The following TTC28 variants were observed in gnomAD, a reference collection of about 807,000 sequenced individuals.
TTC28 encodes tetratricopeptide repeat domain 28.
In TTC28, 61 loss-of-function variants were observed where a neutral mutation model predicts 198.0. That is an observed-to-expected ratio of 0.31 (90% confidence interval 0.25 to 0.38). The LOEUF (loss-of-function observed/expected upper bound fraction) is 0.38, where lower values mean the gene tolerates loss of function less well. Among genes scored for constraint, TTC28 ranks in the 10% least tolerant of loss-of-function variants. TTC28 has a pLI of 1.00. For missense variants in TTC28, 2,678 were observed against 3,164.0 expected, an observed-to-expected ratio of 0.85 and a Z score of 3.69; for synonymous variants, 1,171 against 1,297.8, an observed-to-expected ratio of 0.90 and a Z score of 2.10.
chr22:28,210,970 A>G (rs1174742473), intron 5 of TTC28, among the ~76,000 whole-genome samples: 5 of 152,216 alleles, frequency 3.3e-5, no homozygotes, highest in South Asian at 2.1e-4. Flanking sequence ...GAAGAGAGTG[A>G]GGGCCAATAT....
chr22:28,316,806 A>T (rs1272756620), intron 2 of TTC28, among the ~76,000 whole-genome samples: 1 of 152,174 alleles, frequency 6.6e-6, no homozygotes, highest in Non-Finnish European at 1.5e-5. Flanking sequence ...TTACTCTGTT[A>T]TCCAGGCTGG....
At chr22:28,302,757 C>G (rs2045053301) in intron 3 of TTC28, among the ~76,000 whole-genome samples, 1 of 152,112 alleles carries the variant, frequency 6.6e-6, no homozygotes, top group African/African-American at 2.4e-5. Context: ...TCGCTGCAAC[C>G]TCCGCCTCCC....
chr22:28,219,907 C>T (rs1484572433), intron 5 of TTC28, among the ~76,000 whole-genome samples: 1 of 152,220 alleles, frequency 6.6e-6, no homozygotes, highest in Non-Finnish European at 1.5e-5. Context: ...ACACCACTGA[C>T]ACCTTTTGAA....
At chr22:28,166,143 C>T (rs978735776) in intron 5 of TTC28, among the ~76,000 whole-genome samples, 1 of 152,200 alleles carries the variant, frequency 6.6e-6, no homozygotes, top group Admixed American at 6.5e-5. Context: ...AATACATATG[C>T]ACCCAATACA....
intron 2 of TTC28, among the ~76,000 whole-genome samples, chr22:28,393,358 C>A (rs191946093): frequency 9.8e-4 from 149 of 151,774 alleles, no homozygotes; most frequent in Non-Finnish European, 1.7e-3. Flanking sequence ...TTTTTTTTTC[C>A]TAGGCAAGAG....
intron 2 of TTC28, among the ~76,000 whole-genome samples, chr22:28,521,246 A>T (rs1262324840): frequency 6.6e-6 from 1 of 151,938 alleles, no homozygotes; most frequent in Admixed American, 6.6e-5. Flanking sequence ...CAAAAAAAAA[A>T]AATTAAAAAA....
At chr22:28,084,570 G>A (rs549529819) in intron 12 of TTC28, among the ~76,000 whole-genome samples, 10 of 152,280 alleles carry the variant, frequency 6.6e-5, no homozygotes, top group Admixed American at 1.3e-4. Context: ...AAAAAACAGA[G>A]CAGAAAAACT....
chr22:28,310,593 T>C (rs2045238760), intron 2 of TTC28, among the ~76,000 whole-genome samples: 1 of 152,074 alleles, frequency 6.6e-6, no homozygotes, highest in African/African-American at 2.4e-5. Flanking sequence ...TTGGCCTAAA[T>C]GAGTAACGAG....
intron 2 of TTC28, among the ~76,000 whole-genome samples, chr22:28,568,455 C>A (rs2050013575): frequency 6.6e-6 from 1 of 152,134 alleles, no homozygotes; most frequent in Non-Finnish European, 1.5e-5. Flanking sequence ...GCTATACCCA[C>A]AAAACCCTGT....
intron 5 of TTC28, among the ~76,000 whole-genome samples, chr22:28,167,900 A>G (rs185050311): frequency 6.6e-6 from 1 of 152,372 alleles, no homozygotes; most frequent in African/African-American, 2.4e-5. Flanking sequence ...TGCAGATGAC[A>G]TGATTGTATA....
intron 5 of TTC28, among the ~76,000 whole-genome samples, chr22:28,204,004 C>T (rs1390240818): frequency 6.6e-6 from 1 of 152,108 alleles, no homozygotes; most frequent in African/African-American, 2.4e-5. Context: ...CTCCTTATAC[C>T]TACCTCTGCC....
rs532120352 is a variant in TTC28 at position 28,152,405 on chromosome 22, G to C, written c.1441+10687C>G. Among the ~76,000 whole-genome samples the C allele has an allele frequency of 9.3e-4, 142 of 152,012 alleles. 1 individual carries two copies. Among genetic ancestry groups the C allele is most frequent in the African/African-American group, 3.3e-3 (135 of 41,474 alleles). On this transcript the variant is annotated intron_variant, in intron 6 of 22. Transcript: ENST00000397906. ...TTTAGCCCTAGCCCAGGTAATCCTA[G>C]CATGGCTCCCACTCAGATCCACAAT...
chr22:27,982,746 G>A lies in TTC28; in HGVS notation c.6921C>T (p.Ser2307=). The A allele has an allele frequency of 6.4e-7, 1 of 1,551,292 alleles. No individual in the cohort carries two copies. Among genetic ancestry groups the A allele is most frequent in the Non-Finnish European group, 8.7e-7 (1 of 1,146,732 alleles). Residue 2307 remains serine (S), a synonymous_variant, in exon 23 of 23, where the codon TCC becomes TCT. Coordinates refer to ENST00000397906, the MANE Select transcript of TTC28 (RefSeq NM_001145418.2). The surrounding 1 kb of genome is among the most constrained non-coding windows in gnomAD (Gnocchi z 5.2). ...AHISKSPRNM[S]PSSGHQSPAG... ...CAGGAGACTGGTGGCCGGAGCTTGG[G>A]GACATGTTCCTTGGTGATTTGGAAA...
rs747538025 is a variant in TTC28 at position 27,989,949 on chromosome 22, G to A, written c.5636C>T (p.Ala1879Val). ...GACGCTGATGGAGACCTGAATGGGAGCTGATGCCAAGTCCTGCTCCTTCTC... is the reference window on the plus strand; with the variant it reads ...GACGCTGATGGAGACCTGAATGGGAACTGATGCCAAGTCCTGCTCCTTCTC... Reference protein sequence around the residue: ...AGEKEQDLASAPIQVSISVQL... With the variant: ...AGEKEQDLASVPIQVSISVQL... Residue 1879 changes from alanine to valine, a missense_variant, in exon 21 of 23, where the codon GCT (alanine) becomes GTT (valine). Coordinates refer to ENST00000397906, the MANE Select transcript of TTC28 (RefSeq NM_001145418.2). 5 of 1,551,402 alleles carry A rather than the reference G, an allele frequency of 3.2e-6. No homozygotes were observed. The highest frequency in any genetic ancestry group is 1.7e-4 in the Middle Eastern group (1 of 5,992).
chr22:28,410,503 T>C (rs1450891857), intron 2 of TTC28, among the ~76,000 whole-genome samples: 3 of 152,216 alleles, frequency 2.0e-5, no homozygotes, highest in Non-Finnish European at 4.4e-5. Flanking sequence ...GTTATGGAAC[T>C]GTAGCAAATA....
rs779564628 is a variant in TTC28 at position 28,537,303 on chromosome 22, T to TACTAAAACAAAACAAAACAAAAC, written c.381+92248_381+92249insGTTTTGTTTTGTTTTGTTTTAGT. ...GCCAGACTCCGTCTCAAAAATAAAA[T>TACTAAAACAAAACAAAACAAAAC]AAAATAAAATAAAATAAAATAAAAT... On this transcript the variant is annotated intron_variant, in intron 2 of 22. Transcript: ENST00000397906. Among the ~76,000 whole-genome samples the TACTAAAACAAAACAAAACAAAAC allele has an allele frequency of 1.8e-3, 218 of 120,718 alleles. 7 individuals are homozygous for TACTAAAACAAAACAAAACAAAAC. The highest frequency in any genetic ancestry group is 2.7e-3 in the Non-Finnish European group (142 of 51,814). 79.2% of individuals were successfully genotyped at this position (120,718 alleles called of 152,430 possible).
At chr22:28,143,025 G>T (rs2146993503) in intron 6 of TTC28, among the ~76,000 whole-genome samples, 1 of 152,264 alleles carries the variant, frequency 6.6e-6, no homozygotes, top group East Asian at 1.9e-4. Context: ...TTTCTGTTGG[G>T]ACATATCATA....
intron 5 of TTC28, among the ~76,000 whole-genome samples, chr22:28,257,838 CAG>C (rs1931061179): frequency 7.0e-6 from 1 of 142,102 alleles, no homozygotes; most frequent in Admixed American, 7.2e-5. Context: ...ATAAAAAAGA[CAG>C]AAAAGAAAGA....
At chr22:28,065,463 TGGTC>T (rs934986356) in intron 12 of TTC28, among the ~76,000 whole-genome samples, 7 of 152,182 alleles carry the variant, frequency 4.6e-5, no homozygotes, top group Non-Finnish European at 1.0e-4. Flanking sequence ...CTTCATAAAA[TGGTC>T]GGGCCAACAA....
Sources: allele counts gnomAD v4.1 joint callset (sites outside exome capture counted in the v4.1 genomes callset), GRCh38; gene constraint gnomAD v4.1.1; non-coding constraint Gnocchi (gnomAD v3.1); transcripts MANE v1.5; gene names NCBI Gene and HGNC (gene_info 2026-07-23, HGNC 2026-07-21).